The following UMODL1 variants were observed in gnomAD, a reference collection of about 807,000 sequenced individuals.
UMODL1 encodes uromodulin-like 1.
Under a neutral mutation model 136.3 loss-of-function variants are expected in UMODL1, and 128 were observed. That is an observed-to-expected ratio of 0.94 (90% CI 0.81 to 1.09). The LOEUF (loss-of-function observed/expected upper bound fraction) is 1.09, where lower values mean the gene tolerates loss of function less well. Ranked by LOEUF, UMODL1 falls within the 50% of genes least tolerant of loss-of-function variation. UMODL1 has a pLI of 0.00. For missense variants in UMODL1, 1,766 were observed against 1,725.6 expected (o/e 1.02, Z -0.41); for synonymous variants, 721 against 720.0 (o/e 1.00, Z -0.02).
At chr21:42,081,056 C>T (rs186331575) in intron 2 of UMODL1, among the ~76,000 whole-genome samples, 7 of 152,342 alleles carry the variant, frequency 4.6e-5, no homozygotes, top group Admixed American at 2.6e-4. Flanking sequence ...TGGAACCCAG[C>T]ATCTTAGCTG....
chr21:42,081,958 C>T (rs940062313), intron 2 of UMODL1, among the ~76,000 whole-genome samples: 4 of 152,214 alleles, frequency 2.6e-5, no homozygotes, highest in East Asian at 1.9e-4. Flanking sequence ...AGGCTCCTGG[C>T]GTTGCCCTCC....
intron 2 of UMODL1, among the ~76,000 whole-genome samples, chr21:42,077,061 GTGTGT>G (rs2066302889): frequency 3.0e-5 from 4 of 133,298 alleles, no homozygotes; most frequent in Non-Finnish European, 4.9e-5. Flanking sequence ...GTGTGTGTGT[GTGTGT>G]GGTGGCTGCT....
chr21:42,083,611 A>G (rs1315911151), intron 2 of UMODL1, among the ~76,000 whole-genome samples: 1 of 152,184 alleles, frequency 6.6e-6, no homozygotes, highest in Non-Finnish European at 1.5e-5. Flanking sequence ...CTCTCACCCC[A>G]TCTGAATATC....
At chr21:42,113,276 G>A (rs184608122) in intron 12 of UMODL1, among the ~76,000 whole-genome samples, 1 of 152,126 alleles carries the variant, frequency 6.6e-6, no homozygotes, top group African/African-American at 2.4e-5. Flanking sequence ...ACCTGCTCAA[G>A]AGGCCTTCAT....
chr21:42,065,155 G>A (rs941675422), intron 1 of UMODL1, among the ~76,000 whole-genome samples: 1 of 152,318 alleles, frequency 6.6e-6, no homozygotes. Flanking sequence ...GTGTTTTCCA[G>A]GAGTGACTGT....
rs766244953 is a variant in UMODL1, at chr21:42,126,430, C to G, written c.3233C>G (p.Pro1078Arg). 6.2e-7 allele frequency: 1 copy of G among 1,614,224 alleles called. No individual in the cohort carries two copies. The highest frequency in any genetic ancestry group is 8.5e-7 in the Non-Finnish European group (1 of 1,180,040). The change falls in exon 18 of 23, where the codon CCC becomes CGC. Residue 1078 changes from proline (P) to arginine (R), a missense_variant. Coordinates refer to ENST00000408910, the MANE Select transcript of UMODL1 (RefSeq NM_001004416.3). ...GIIHHLKILS[P>R]IYCAFQNDLL... The stretch of plus-strand genomic sequence containing the variant: ...ATCCACCACCTGAAGATCCTGAGCC[C>G]CATCTACTGCGCCTTCCAGAATGAC...
At chr21:42,071,969 G>A (rs1178646180) in intron 1 of UMODL1, among the ~76,000 whole-genome samples, 1 of 151,954 alleles carries the variant, frequency 6.6e-6, no homozygotes, top group Non-Finnish European at 1.5e-5. Flanking sequence ...GATCACTTGA[G>A]CTTGGGAGGT....
upstream of UMODL1, among the ~76,000 whole-genome samples, chr21:42,069,530 C>A (rs556929531): frequency 6.6e-6 from 1 of 152,074 alleles, no homozygotes; most frequent in South Asian, 2.1e-4. Flanking sequence ...TGAAGAACTG[C>A]GGCTTGAGGC....
intron 5 of UMODL1, 21 bp from the exon 6 acceptor site, chr21:42,090,277 T>G (rs1203742842): frequency 6.2e-7 from 1 of 1,614,000 alleles, no homozygotes. Context: ...TGAGTGTGGG[T>G]CCTGCTCTCC....
chr21:42,112,381 CCCCCAGTTGTTCTGCAT>C (rs1409094940), intron 12 of UMODL1, among the ~76,000 whole-genome samples: 5 of 151,102 alleles, frequency 3.3e-5, no homozygotes, highest in South Asian at 4.2e-4. Flanking sequence ...CTGTTCTGCA[CCCCCAGTTGTTCTGCAT>C]CTCCCCAGTT....
chr21:42,096,735 G>A (rs1272424031), intron 6 of UMODL1, among the ~76,000 whole-genome samples: 3 of 152,110 alleles, frequency 2.0e-5, no homozygotes, highest in Non-Finnish European at 2.9e-5. Flanking sequence ...TAGCTGCTGC[G>A]CCTGCTCGTG....
rs1484435910 is a variant in UMODL1 at position 42,111,000 on chromosome 21, G to A, written c.1778G>A (p.Gly593Glu). ...LENFTLSPSP[G>E]YPQGTPAAGQ... ...AACTTCACCTTGTCACCCAGTCCTG[G>A]GTACCCTCAGGGCACCCCGGCAGCA... The change falls in exon 11 of 23, where the codon GGG becomes GAG. Residue 593 changes from glycine to glutamate, a missense_variant. Transcript: ENST00000408910. 2 of 1,612,730 alleles carry A rather than the reference G, an allele frequency of 1.2e-6. No individual in the cohort carries two copies. The highest frequency in any genetic ancestry group is 1.7e-6 in the Non-Finnish European group (2 of 1,179,684).
At chr21:42,121,910 T>C (rs1451449785) in intron 16 of UMODL1, among the ~76,000 whole-genome samples, 1 of 152,000 alleles carries the variant, frequency 6.6e-6, no homozygotes, top group Non-Finnish European at 1.5e-5. Context: ...GGGCAGGGCA[T>C]GGTGGGTGGG....
In UMODL1 at chr21:42,121,122, G is replaced by A; in HGVS notation, c.2725G>A (p.Val909Met). ...DECERKEDDCVPGTSCRNTLG... is the reference protein window; with the variant it reads ...DECERKEDDCMPGTSCRNTLG... ...GTGTGAAAGGAAGGAGGACGACTGT[G>A]TGCCGGGGACATCCTGTCGAAACAC... Residue 909 changes from valine to methionine, a missense_variant, in exon 16 of 23, where the codon GTG becomes ATG. Val to Met is a conservative substitution (Grantham distance 21). Transcript: ENST00000408910. The A allele has an allele frequency of 6.2e-7, 1 of 1,614,066 alleles. No homozygotes were observed. The highest frequency in any genetic ancestry group is 8.5e-7 in the Non-Finnish European group (1 of 1,179,982).
At chr21:42,130,039 G>C (rs1281160972) in intron 21 of UMODL1, among the ~76,000 whole-genome samples, 1 of 152,190 alleles carries the variant, frequency 6.6e-6, no homozygotes, top group Non-Finnish European at 1.5e-5. Context: ...TGGAGCATGA[G>C]CTATTACCAT....
At chr21:42,133,228 C>T (rs2067156630) in intron 21 of UMODL1, among the ~76,000 whole-genome samples, 1 of 152,228 alleles carries the variant, frequency 6.6e-6, no homozygotes, top group African/African-American at 2.4e-5. Flanking sequence ...AGGAGGCTGG[C>T]AGACAGGTTC....
At chr21:42,112,205 TG>T (rs1168481084) in intron 12 of UMODL1, among the ~76,000 whole-genome samples, 2 of 151,706 alleles carry the variant, frequency 1.3e-5, no homozygotes, top group Non-Finnish European at 2.9e-5. Context: ...TCTGCAGCCC[TG>T]CAGCTGCTCT....
At chr21:42,125,233 G>C (rs984126102) in intron 17 of UMODL1, among the ~76,000 whole-genome samples, 1 of 152,172 alleles carries the variant, frequency 6.6e-6, no homozygotes, top group East Asian at 1.9e-4. Context: ...TAAGGAGCTA[G>C]CCCTGGGGAG....
intron 6 of UMODL1, among the ~76,000 whole-genome samples, chr21:42,092,750 G>A (rs1353421324): frequency 6.6e-6 from 1 of 152,170 alleles, no homozygotes; most frequent in Non-Finnish European, 1.5e-5. Context: ...ACAGCTGGCA[G>A]TTGCCCGCAC....
Sources: gnomAD v4.1 joint callset for allele counts (sites outside exome capture counted in the v4.1 genomes callset) on GRCh38, gnomAD v4.1.1 for gene constraint, MANE v1.5 for transcripts, NCBI Gene and HGNC (gene_info 2026-07-23, HGNC 2026-07-21) for gene names.